Variants in FRMD4B observed in about 807,000 individuals in gnomAD.
FRMD4B encodes FERM domain containing 4B.
A neutral mutation model predicts 141.5 loss-of-function variants in FRMD4B; 74 were observed. The ratio of observed to expected loss-of-function variants is 0.52; its 90% CI spans 0.43 to 0.63. The LOEUF (loss-of-function observed/expected upper bound fraction) is 0.63. FRMD4B is among the 30% of genes least tolerant of loss of function. The pLI is 0.00. For synonymous variants in FRMD4B, 506 were observed against 467.9 expected, an observed-to-expected ratio of 1.08 and a Z score of -1.05; for missense variants, 1,366 against 1,253.4, an observed-to-expected ratio of 1.09 and a Z score of -1.36.
At chr3:69,192,240 G>A (rs1044893608) in intron 17 of FRMD4B, among the ~76,000 whole-genome samples, 9 of 151,980 alleles carry the variant, frequency 5.9e-5, no homozygotes, top group African/African-American at 1.9e-4. Flanking sequence ...GCCAGGCATG[G>A]TGGTGCGTGC....
At position 69,540,632 on chromosome 3, in the gene FRMD4B, A is replaced by T. The variant is rs1231199662; in HGVS notation, c.-129+1574T>A. Among the ~76,000 whole-genome samples, 95 of 73,206 alleles carry T rather than the reference A, an allele frequency of 1.3e-3. No individual in the cohort carries two copies. In the East Asian group the frequency reaches 0.016, roughly 12 times the overall value. 48.0% of individuals were successfully genotyped at this position (73,206 alleles called of 152,430 possible). On this transcript the variant is annotated intron_variant, in intron 1 of 5. Coordinates refer to the FRMD4B transcript ENST00000459638. Reference sequence around the variant, plus strand: ...TGTCTCTAAAAAAAAAAAAAAAAAAAAAAAATATATATATATATATATATA... The same window carrying T: ...TGTCTCTAAAAAAAAAAAAAAAAAATAAAAATATATATATATATATATATA...
intron 5 of FRMD4B, among the ~76,000 whole-genome samples, chr3:69,251,385 T>A (rs1308029355): frequency 6.6e-6 from 1 of 152,200 alleles, no homozygotes; most frequent in Non-Finnish European, 1.5e-5. Flanking sequence ...GTAGTTAGGC[T>A]CAGTGAGGAT....
At chr3:69,540,142 G>T (rs1353537238) in intron 1 of FRMD4B, among the ~76,000 whole-genome samples, 1 of 151,786 alleles carries the variant, frequency 6.6e-6, no homozygotes, top group Non-Finnish European at 1.5e-5. Flanking sequence ...GCGGTGAGCC[G>T]CGATCGCGCC....
rs1371043598 is a variant in FRMD4B at position 69,181,264 on chromosome 3, G to A, written c.2486C>T (p.Thr829Ile). ...AGGGTTGACACTATACTGTCCCTCG[G>A]TGTCATTCTCATAGACATAACCACC... ...YSGGYVYEND[T>I]EGQYSVNPSY... is the part of the protein sequence containing the mutation. The change falls in exon 21 of 23, where the codon ACC becomes ATC. Residue 829 changes from threonine to isoleucine, a missense_variant. Thr to Ile is a moderately conservative substitution (Grantham distance 89). Transcript: ENST00000398540. The A allele has an allele frequency of 6.2e-7, 1 of 1,613,614 alleles. No individual in the cohort carries two copies. Among genetic ancestry groups the A allele is most frequent in the Non-Finnish European group, 8.5e-7 (1 of 1,179,590 alleles).
At chr3:69,267,679 A>AGG (rs1559765621) in intron 5 of FRMD4B, among the ~76,000 whole-genome samples, 15 of 52,216 alleles carry the variant, frequency 2.9e-4, no homozygotes, top group African/African-American at 8.2e-4. Flanking sequence ...AGAGAGAGAG[A>AGG]GAGAGAGAGA....
At position 69,197,004 on chromosome 3, in the gene FRMD4B, C is replaced by T; in HGVS notation, c.988G>A (p.Gly330Ser). 6.2e-7 allele frequency: 1 copy of T among 1,608,316 alleles called. No individual in the cohort carries two copies. Among genetic ancestry groups the T allele is most frequent in the African/African-American group, 1.3e-5 (1 of 74,890 alleles). Reference protein sequence around the residue: ...SVSRRTFGQSGLFVQTWYANS... With the variant: ...SVSRRTFGQSSLFVQTWYANS... ...GCATACCATGTTTGCACAAACAAGC[C>T]ACTTTGCCCAAAGGTTCTTCTTGAA... The change falls in exon 13 of 23, where the codon GGC becomes AGC. Residue 330 changes from glycine (G) to serine (S), a missense_variant. Gly to Ser is a moderately conservative substitution (Grantham distance 56). Coordinates refer to ENST00000398540, the MANE Select transcript of FRMD4B (RefSeq NM_015123.3).
chr3:69,527,333 C>A (rs1700944185), intron 1 of FRMD4B, among the ~76,000 whole-genome samples: 1 of 152,032 alleles, frequency 6.6e-6, no homozygotes, highest in South Asian at 2.1e-4. Flanking sequence ...CACCCAGAGC[C>A]CTTCCGGGGT....
chr3:69,335,803 G>A (rs993845035), intron 1 of FRMD4B, among the ~76,000 whole-genome samples: 13 of 147,582 alleles, frequency 8.8e-5, no homozygotes, highest in Non-Finnish European at 1.3e-4. Flanking sequence ...GCTCACTTCA[G>A]TCTCTACCTC....
At chr3:69,508,392 A>T (rs1365270959) in intron 1 of FRMD4B, among the ~76,000 whole-genome samples, 1 of 152,226 alleles carries the variant, frequency 6.6e-6, no homozygotes, top group East Asian at 1.9e-4. Flanking sequence ...TTTCAATCGC[A>T]TAACAGGCTG....
At chr3:69,301,428 G>T (rs932574612) in intron 4 of FRMD4B, among the ~76,000 whole-genome samples, 1 of 152,036 alleles carries the variant, frequency 6.6e-6, no homozygotes, top group African/African-American at 2.4e-5. Flanking sequence ...GGGTTCAAGC[G>T]ATCCTTATGC....
intron 1 of FRMD4B, among the ~76,000 whole-genome samples, chr3:69,539,658 T>G (rs1701136093): frequency 6.6e-6 from 1 of 152,222 alleles, no homozygotes; most frequent in Admixed American, 6.5e-5. Flanking sequence ...AGCACCATAT[T>G]GTTTAAATGC....
At chr3:69,226,464 T>C (rs1244768769) in intron 7 of FRMD4B, among the ~76,000 whole-genome samples, 4 of 152,112 alleles carry the variant, frequency 2.6e-5, no homozygotes, top group African/African-American at 7.2e-5. Flanking sequence ...GTCAGATACC[T>C]TTACTTCTAA....
chr3:69,196,453 A>G, intron 13 of FRMD4B, 57 bp from the exon 14 acceptor site: 1 of 1,323,568 alleles, frequency 7.6e-7, no homozygotes, highest in South Asian at 1.3e-5. Flanking sequence ...AAATTAATGA[A>G]ACAATTAAGT....
intron 5 of FRMD4B, among the ~76,000 whole-genome samples, chr3:69,283,362 C>T (rs567161179): frequency 1.2e-3 from 166 of 138,942 alleles, no homozygotes; most frequent in Non-Finnish European, 1.8e-3. Context: ...CCAGCCTGGG[C>T]AACAAGAGTG....
chr3:69,292,129 C>T (rs1300778220), intron 4 of FRMD4B, among the ~76,000 whole-genome samples: 2 of 152,122 alleles, frequency 1.3e-5, no homozygotes, highest in Non-Finnish European at 2.9e-5. Context: ...TGCTTTCCTA[C>T]AATAACAATC....
At chr3:69,383,860 G>A (rs766601617) in intron 1 of FRMD4B, among the ~76,000 whole-genome samples, 3 of 152,154 alleles carry the variant, frequency 2.0e-5, no homozygotes, top group Non-Finnish European at 4.4e-5. Flanking sequence ...GTGCCCAACC[G>A]TTATCTTTTC....
intron 5 of FRMD4B, among the ~76,000 whole-genome samples, chr3:69,255,523 T>C (rs758107912): frequency 6.6e-6 from 1 of 151,912 alleles, no homozygotes; most frequent in Non-Finnish European, 1.5e-5. Flanking sequence ...CCAGCTTGGG[T>C]GACAAAGCAA....
intron 1 of FRMD4B, among the ~76,000 whole-genome samples, chr3:69,482,662 T>C (rs1020150688): frequency 2.0e-5 from 3 of 152,188 alleles, no homozygotes; most frequent in African/African-American, 4.8e-5. Flanking sequence ...AACTGAAGAA[T>C]CAAATCTTTC....
intron 1 of FRMD4B, among the ~76,000 whole-genome samples, chr3:69,362,589 A>G (rs1703500508): frequency 1.3e-5 from 2 of 152,240 alleles, no homozygotes; most frequent in South Asian, 2.1e-4. Context: ...AGGCAGGAGA[A>G]TCGCTTGAAA....
Sources: allele counts gnomAD v4.1 joint callset (sites outside exome capture counted in the v4.1 genomes callset), GRCh38; gene constraint gnomAD v4.1.1; transcripts MANE v1.5; gene names NCBI Gene and HGNC (gene_info 2026-07-23, HGNC 2026-07-21).